TTN: variants seen among roughly 807,000 people sequenced by gnomAD.
TTN encodes titin.
In TTN, 1,525 loss-of-function variants were observed where a neutral mutation model predicts 3,223.0. The ratio of observed to expected loss-of-function variants is 0.47; its 90% CI spans 0.45 to 0.49. The LOEUF is 0.49. Among genes scored for constraint, TTN ranks in the 20% least tolerant of loss-of-function variants. The pLI, the probability that TTN is intolerant of heterozygous loss-of-function variation, is 0.00. For missense variants in TTN, 40,786 were observed against 43,424.0 expected (o/e 0.94, Z 5.40); for synonymous variants, 14,094 against 15,161.0 (o/e 0.93, Z 5.17).
At chr2:178,638,258 A>G (rs1361012062) in intron 223 of TTN, among the ~76,000 whole-genome samples, 1 of 151,546 alleles carries the variant, frequency 6.6e-6, no homozygotes, top group Non-Finnish European at 1.5e-5. Flanking sequence ...TTTTTATGTC[A>G]TTAAACATGG....
At chr2:178,747,722 G>C (rs2084075159) in intron 47 of TTN, 1 of 1,611,644 alleles carries the variant, frequency 6.2e-7, no homozygotes, top group Non-Finnish European at 8.5e-7. Flanking sequence ...AGTGGTATGT[G>C]CCTCATCTAA....
Position 178,727,162 on chromosome 2 carries a change from T to C in TTN, c.20203A>G (p.Ser6735Gly). 1 of 1,610,590 alleles carries C rather than the reference T, an allele frequency of 6.2e-7. No homozygotes were observed. The change falls in exon 69 of 363, where the codon AGT (serine) becomes GGT (glycine). Residue 6735 changes from serine (S) to glycine (G), a missense_variant. Physicochemically the swap from Ser to Gly is moderately conservative, Grantham distance 56. Transcript: ENST00000589042. ...IQMNNLSTED[S>G]GDFICEAQNP... ...TGAGCCTCACAAATGAAATCTCCAC[T>C]GTCCTCAGTACTGAGATTGTTCATC... is the stretch of plus-strand genomic sequence containing the variant.
chr2:178,713,664 G>C (rs951076094), intron 92 of TTN: 1 of 709,830 alleles, frequency 1.4e-6, no homozygotes, highest in South Asian at 2.3e-5. Flanking sequence ...CCTTATCCAG[G>C]GACTATTTTT....
In TTN at chr2:178,786,529, A is replaced by T. The variant is rs529236056; in HGVS notation, c.2077-388T>A. ...ACTGATTATTTTTATTATCTTGTTG[A>T]CCATTTAGTCTGGTATTAATGCAGT... On this transcript the variant is annotated intron_variant, in intron 13 of 362. Transcript: ENST00000589042. Among the ~76,000 whole-genome samples, 456 of 152,274 alleles carry T rather than the reference A, an allele frequency of 3.0e-3. 6 individuals are homozygous for T. The highest frequency in any genetic ancestry group is 0.01 in the African/African-American group (426 of 41,560).
rs2050215665 is a variant in TTN, at chr2:178,591,592, A to C, written c.60220+7T>G. 8.7e-6 allele frequency: 14 copies of C among 1,609,380 alleles called. No individual in the cohort carries two copies. The highest frequency in any genetic ancestry group is 1.1e-5 in the Non-Finnish European group (13 of 1,178,718). On this transcript the variant is annotated splice_region_variant and intron_variant, in intron 303 of 362. Transcript: ENST00000589042. ...AAATAAGGTAATACTGCTAGTCCAAAAATTACCTAGTTTTTCTTGACATTC... is the reference window on the plus strand; with the variant it reads ...AAATAAGGTAATACTGCTAGTCCAACAATTACCTAGTTTTTCTTGACATTC...
chr2:178,582,992 A>G lies in TTN; in HGVS notation c.65811T>C (p.Thr21937=). The G allele has an allele frequency of 6.4e-7, 1 of 1,560,514 alleles. No homozygotes were observed. Among genetic ancestry groups the G allele is most frequent in the East Asian group, 2.3e-5 (1 of 43,418 alleles). Residue 21937 remains threonine (T), a synonymous_variant, in exon 313 of 363, where the codon ACT becomes ACC. Transcript: ENST00000589042. ...ATTTAGAACCACTTGAATTTTCAGC[A>G]GTAATGGTATAGTCTCCTGAGTCCT... ...NRKDSGDYTI[T]AENSSGSKSA...
Position 178,609,927 on chromosome 2 carries a change from T to C in TTN, c.51496A>G (p.Ile17166Val). 1 of 1,612,936 alleles carries C rather than the reference T, an allele frequency of 6.2e-7. No individual in the cohort carries two copies. The highest frequency in any genetic ancestry group is 1.7e-5 in the Admixed American group (1 of 59,976). The change falls in exon 272 of 363, where the codon ATT becomes GTT. Residue 17166 changes from isoleucine (I) to valine (V), a missense_variant. Ile to Val is a conservative substitution (Grantham distance 29). Transcript: ENST00000589042. ...TCATACAAAGGTGGCTTCCATGTAA[T>C]AGTCATTGCCTCCGCTGTAGGATTA... ...VHNPTAEAMTITWKPPLYDGG... is the reference protein window; with the variant it reads ...VHNPTAEAMTVTWKPPLYDGG...
intron 96 of TTN, 78 bp from the exon 97 acceptor site, chr2:178,711,427 C>A (rs367801165): frequency 7.6e-7 from 1 of 1,321,004 alleles, no homozygotes; most frequent in South Asian, 1.8e-5. Context: ...TACAAACGCA[C>A]GTATATATGC....
In TTN at chr2:178,713,373, C is replaced by A; in HGVS notation, c.26762-1G>T. On this transcript the variant is annotated splice_acceptor_variant, in intron 92 of 362. Coordinates refer to ENST00000589042, the MANE Select transcript of TTN (RefSeq NM_001267550.2). LOFTEE classifies it high-confidence loss of function. The stretch of plus-strand genomic sequence containing the variant: ...GTGAATGAAGGAGGAACGGTTCGGT[C>A]TGAATGATACAAAACAAAACAAAAC... The A allele has an allele frequency of 6.6e-7, 1 of 1,507,278 alleles. No homozygotes were observed. The highest frequency in any genetic ancestry group is 8.9e-7 in the Non-Finnish European group (1 of 1,128,968). 93.4% of individuals were successfully genotyped at this position (1,507,278 alleles called of 1,614,324 possible).
Position 178,776,441 on chromosome 2 carries a change from T to G in TTN, c.5423A>C (p.Glu1808Ala), listed in dbSNP as rs746238242. The change falls in exon 28 of 363, where the codon GAG (glutamate) becomes GCG (alanine). Residue 1808 changes from glutamate (E) to alanine (A), a missense_variant. By Grantham distance (107) the Glu-to-Ala change is moderately radical. Coordinates refer to ENST00000589042, the MANE Select transcript of TTN (RefSeq NM_001267550.2). ...AATTCTCTGTAAGCCTTTCCTCCCCTCAGGCAATTGGGATTCTTCCACAAG... is the reference window on the plus strand; with the variant it reads ...AATTCTCTGTAAGCCTTTCCTCCCCGCAGGCAATTGGGATTCTTCCACAAG... ...KSLVEESQLP[E>A]GRKGLQRIEE... 5 of 1,609,372 alleles carry G rather than the reference T, an allele frequency of 3.1e-6. No homozygotes were observed. The African/African-American group carries it at 6.7e-5, about 21-fold the overall frequency.
chr2:178,535,557 C>T lies in TTN; in HGVS notation c.101058G>A (p.Val33686=), dbSNP rs746269938. Residue 33686 remains valine (V), a synonymous_variant, in exon 358 of 363, where the codon GTG becomes GTA. Coordinates refer to ENST00000589042, the MANE Select transcript of TTN (RefSeq NM_001267550.2). ...GIDQKTVELD[V]ADVPDPPRGV... is the part of the protein sequence containing the mutation. ...CTCTGGGTGGGTCAGGAACATCAGC[C>T]ACATCCAGTTCAACTGTCTTCTGAT... 1 of 1,613,846 alleles carries T rather than the reference C, an allele frequency of 6.2e-7. No homozygotes were observed. The highest frequency in any genetic ancestry group is 8.5e-7 in the Non-Finnish European group (1 of 1,179,824).
In TTN at chr2:178,704,900, G is replaced by A; in HGVS notation, c.29671C>T (p.Gln9891Ter). The A allele has an allele frequency of 6.2e-7, 1 of 1,613,438 alleles. No homozygotes were observed. The highest frequency in any genetic ancestry group is 8.5e-7 in the Non-Finnish European group (1 of 1,179,768). ...KEFEELVSFI[Q>*]QRLSQTEPVT... The stretch of plus-strand genomic sequence containing the variant: ...ACCTCTGTCTGTGACAGTCTTTGCT[G>A]AATAAATGATACAAGTTCCTCAAAT... Residue 9891 changes from glutamine to a stop codon, truncating the protein, a stop_gained, in exon 104 of 363, where the codon CAG becomes TAG. Transcript: ENST00000589042. LOFTEE classifies it high-confidence loss of function.
chr2:178,649,226 A>G (rs959054066), intron 213 of TTN, 22 bp downstream of exon 213: 27 of 1,482,880 alleles, frequency 1.8e-5, no homozygotes, highest in Non-Finnish European at 2.2e-5. Flanking sequence ...AGAGAAATCT[A>G]TTTTTTCTTC....
rs1262106961 is a variant in TTN at position 178,621,829 on chromosome 2, T to A, written c.45082+11A>T. 2.5e-6 allele frequency: 4 copies of A among 1,611,544 alleles called. No individual in the cohort carries two copies. The African/African-American group carries it at 4.0e-5, about 16-fold the overall frequency. ...ACACATATACTTCACAAAGAATGAC[T>A]TTACTCTTACCCAGAACTGTCAGCA... On this transcript the variant is annotated intron_variant, in intron 244 of 362. Transcript: ENST00000589042.
Position 178,574,900 on chromosome 2 carries a change from T to C in TTN, c.71232A>G (p.Val23744=), listed in dbSNP as rs1323549024. The C allele has an allele frequency of 1.2e-6, 2 of 1,612,904 alleles. No individual in the cohort carries two copies. The highest frequency in any genetic ancestry group is 2.2e-5 in the South Asian group (2 of 91,022). ...IKFDEVSSDF[V]TFSWDPPEND... ...TCTCAGGTGGGTCCCAAGAGAAGGT[T>C]ACAAAATCAGATGAAACTTCATCAA... The change falls in exon 326 of 363, where the codon GTA becomes GTG. Residue 23744 remains valine (V), a synonymous_variant. Transcript: ENST00000589042.
In TTN at chr2:178,717,199, G is replaced by A. The variant is rs764620561; in HGVS notation, c.25535C>T (p.Thr8512Ile). 6 of 1,613,558 alleles carry A rather than the reference G, an allele frequency of 3.7e-6. No individual in the cohort carries two copies. The highest frequency in any genetic ancestry group is 1.7e-5 in the Admixed American group (1 of 59,984). Residue 8512 changes from threonine to isoleucine, a missense_variant, in exon 88 of 363, where the codon ACT becomes ATT. By Grantham distance (89) the Thr-to-Ile change is moderately conservative. Transcript: ENST00000589042. ...TTTGCCTACTTTGAGAACTGTCAGA[G>A]TGGCAGTATTTTCTACCAAAGTCAT... ...YKMTLVENTA[T>I]LTVLKVGKGD...
At position 178,634,372 on chromosome 2, in the gene TTN, C is replaced by T. The variant is rs1168812566; in HGVS notation, c.42409G>A (p.Val14137Ile). The T allele has an allele frequency of 1.9e-6, 3 of 1,603,276 alleles. No individual in the cohort carries two copies. Among genetic ancestry groups the T allele is most frequent in the Non-Finnish European group, 2.5e-6 (3 of 1,177,410 alleles). Residue 14137 changes from valine (V) to isoleucine (I), a missense_variant, in exon 230 of 363, where the codon GTC (valine) becomes ATC (isoleucine). Physicochemically the swap from Val to Ile is conservative, Grantham distance 29 (BLOSUM62 3). Coordinates refer to ENST00000589042, the MANE Select transcript of TTN (RefSeq NM_001267550.2). This position sits in a 1 kb window ranked among gnomAD's most constrained non-coding sequence, Gnocchi z 4.6. ...ATCTCATTAGCTCGCTTACCTGTGA[C>T]AAACAACCGAGCTGAGGTCTTCTTG... ...EGKKTSARLF[V>I]TGIRLKFMSP...
At chr2:178,795,720 G>A (rs1346590976) in intron 6 of TTN, among the ~76,000 whole-genome samples, 1 of 150,924 alleles carries the variant, frequency 6.6e-6, no homozygotes, top group Non-Finnish European at 1.5e-5. Context: ...AGCAGCTTAA[G>A]CCATTTTTTT....
chr2:178,611,666 G>A lies in TTN; in HGVS notation c.50563C>T (p.Pro16855Ser). Reference protein sequence around the residue: ...SIEDPTSPPSPPLDLHVTDAG... With the variant: ...SIEDPTSPPSSPLDLHVTDAG... ...TCAGTCACATGTAGGTCAAGGGGTG[G>A]TGAGGGAGGACCTGAGAAAAGAGTG... Residue 16855 changes from proline (P) to serine (S), a missense_variant, in exon 269 of 363, where the codon CCA becomes TCA. By Grantham distance (74) the Pro-to-Ser change is moderately conservative (BLOSUM62 -1). Transcript: ENST00000589042. 6.2e-7 allele frequency: 1 copy of A among 1,612,834 alleles called. No individual in the cohort carries two copies. The highest frequency in any genetic ancestry group is 1.1e-5 in the South Asian group (1 of 90,992).
Sources: gnomAD v4.1 joint callset for allele counts (sites outside exome capture counted in the v4.1 genomes callset) on GRCh38, gnomAD v4.1.1 for gene constraint, Gnocchi (gnomAD v3.1) non-coding constraint, MANE v1.5 for transcripts, NCBI Gene and HGNC (gene_info 2026-07-23, HGNC 2026-07-21) for gene names.